The following GRIA2 variants were observed in gnomAD, a reference collection of about 807,000 sequenced individuals.
GRIA2 encodes glutamate receptor 2.
GRIA2 carries 14 observed loss-of-function variants against 97.3 expected under a neutral mutation model. The observed-to-expected ratio is 0.14, with a 90% CI of 0.10 to 0.23. The LOEUF (loss-of-function observed/expected upper bound fraction) is 0.23, where lower values mean the gene tolerates loss of function less well. Ranked by LOEUF, GRIA2 falls within the 10% of genes least tolerant of loss-of-function variation. The pLI, the probability that GRIA2 is intolerant of heterozygous loss-of-function variation, is 1.00. For missense variants in GRIA2, 558 were observed against 1,069.8 expected, an observed-to-expected ratio of 0.52 and a Z score of 6.67; for synonymous variants, 412 against 387.8, an observed-to-expected ratio of 1.06 and a Z score of -0.73.
At chr4:157,332,049 A>G (rs916454530) in intron 6 of GRIA2, among the ~76,000 whole-genome samples, 3 of 152,074 alleles carry the variant, frequency 2.0e-5, no homozygotes, top group Non-Finnish European at 4.4e-5. Flanking sequence ...GTAGTTAATC[A>G]TTAACTGACA....
chr4:157,241,017 T>C (rs1730485626), intron 2 of GRIA2, among the ~76,000 whole-genome samples: 2 of 152,150 alleles, frequency 1.3e-5, no homozygotes, highest in Admixed American at 1.3e-4. Flanking sequence ...ATTTCATCCA[T>C]GTCCCTACAA....
At chr4:157,285,116 A>G (rs1310654258) in intron 2 of GRIA2, among the ~76,000 whole-genome samples, 1 of 151,642 alleles carries the variant, frequency 6.6e-6, no homozygotes, top group African/African-American at 2.4e-5. Context: ...ATTTGTGGAT[A>G]TGGCAGGGTA....
intron 6 of GRIA2, among the ~76,000 whole-genome samples, chr4:157,329,466 T>C (rs1734953256): frequency 6.6e-6 from 1 of 151,968 alleles, no homozygotes; most frequent in Admixed American, 6.6e-5. Context: ...TAATTGATGT[T>C]AAAGAAATTT....
chr4:157,358,045 T>C (rs1736469521), intron 12 of GRIA2, among the ~76,000 whole-genome samples: 1 of 152,184 alleles, frequency 6.6e-6, no homozygotes, highest in South Asian at 2.1e-4. Flanking sequence ...TGAACTCTTC[T>C]TTATCAGCCT....
At chr4:157,283,999 T>C (rs1732725791) in intron 2 of GRIA2, among the ~76,000 whole-genome samples, 1 of 151,902 alleles carries the variant, frequency 6.6e-6, no homozygotes, top group South Asian at 2.1e-4. Flanking sequence ...TATTGCAGCA[T>C]TAATATAGTA....
chr4:157,283,320 G>A (rs1172706101), intron 2 of GRIA2, among the ~76,000 whole-genome samples: 2 of 151,900 alleles, frequency 1.3e-5, no homozygotes, highest in Non-Finnish European at 2.9e-5. Flanking sequence ...AGAGGAGGTG[G>A]TATTCTATCT....
At chr4:157,284,370 G>C (rs538539501) in intron 2 of GRIA2, among the ~76,000 whole-genome samples, 21 of 151,822 alleles carry the variant, frequency 1.4e-4, no homozygotes, top group African/African-American at 5.1e-4. Context: ...TGTATTTTCT[G>C]TTCTTCATCT....
At chr4:157,322,274 TG>T (rs1734611643) in intron 6 of GRIA2, among the ~76,000 whole-genome samples, 2 of 150,866 alleles carry the variant, frequency 1.3e-5, no homozygotes, top group Non-Finnish European at 3.0e-5. Context: ...TGTGTGTGTG[TG>T]TGTGTGTATA....
rs777140074 is a variant in GRIA2 at position 157,360,866 on chromosome 4, A to C, written c.2292-144A>C. ...TTCAGATTTTTAGTAGCTCATAGTA[A>C]CATATTATTGTGGCCTTTTTCCCAC... On this transcript the variant is annotated intron_variant, in intron 13 of 15. Transcript: ENST00000264426. 31 of 689,156 alleles carry C rather than the reference A, an allele frequency of 4.5e-5. No individual in the cohort carries two copies. The East Asian group carries it at 7.9e-4, about 18-fold the overall frequency. The allele number at this position is 689,156 out of a possible 1,614,324, so 42.7% of individuals were successfully genotyped here.
At chr4:157,303,425 A>T in intron 2 of GRIA2, 127 bp from the exon 3 acceptor site, 1 of 733,198 alleles carries the variant, frequency 1.4e-6, no homozygotes, top group Non-Finnish European at 2.2e-6. Context: ...ATGGATCATT[A>T]AATCTATATT....
rs149794246 is a variant in GRIA2, at chr4:157,243,935, A to G, written c.229+22128A>G. Among the ~76,000 whole-genome samples, 27 of 152,194 alleles carry G rather than the reference A, an allele frequency of 1.8e-4. No individual in the cohort carries two copies. The East Asian group carries it at 5.0e-3, about 28-fold the overall frequency. ...GAATGATAATAAACAAATAGAAAAA[A>G]AAGCAGAAAAAAAAAGATTATAGCT... On this transcript the variant is annotated intron_variant, in intron 2 of 15. Coordinates refer to ENST00000264426, the MANE Select transcript of GRIA2 (RefSeq NM_001083619.3).
chr4:157,340,443 A>G (rs1735496585), intron 11 of GRIA2, among the ~76,000 whole-genome samples: 1 of 151,932 alleles, frequency 6.6e-6, no homozygotes, highest in Non-Finnish European at 1.5e-5. Flanking sequence ...ATTATTGGGT[A>G]TCTATTAAGC....
At chr4:157,228,152 T>C in intron 2 of GRIA2, among the ~76,000 whole-genome samples, 1 of 152,214 alleles carries the variant, frequency 6.6e-6, no homozygotes, top group African/African-American at 2.4e-5. Flanking sequence ...TCACGAAGTC[T>C]AGCTCAGTTC....
At chr4:157,362,041 G>A (rs1455645583) in intron 14 of GRIA2, among the ~76,000 whole-genome samples, 1 of 152,060 alleles carries the variant, frequency 6.6e-6, no homozygotes, top group Non-Finnish European at 1.5e-5. Flanking sequence ...AGCATCTATA[G>A]TATCACTGAT....
At chr4:157,247,387 A>C (rs574892872) in intron 2 of GRIA2, among the ~76,000 whole-genome samples, 1 of 152,244 alleles carries the variant, frequency 6.6e-6, no homozygotes, top group South Asian at 2.1e-4. Flanking sequence ...ATTTTGTGTA[A>C]ATGTGGGGGT....
At chr4:157,362,301 CT>C (rs2127003314) in intron 14 of GRIA2, 1 of 440,722 alleles carries the variant, frequency 2.3e-6, no homozygotes, top group African/African-American at 2.0e-5. Flanking sequence ...CATCTTAGTA[CT>C]TTGAGGGATT....
chr4:157,333,421 C>G lies in GRIA2; in HGVS notation c.1155+68C>G, dbSNP rs1735146789. ...GAGTTAGCTAGCCTATGAGTTCACC[C>G]TTCCAGAGAATTCTGGAGATGTGTA... is the stretch of plus-strand genomic sequence containing the variant. On this transcript the variant is annotated intron_variant, in intron 8 of 15. Coordinates refer to ENST00000264426, the MANE Select transcript of GRIA2 (RefSeq NM_001083619.3). 5 of 696,926 alleles carry G rather than the reference C, an allele frequency of 7.2e-6. No homozygotes were observed. In the Admixed American group the frequency reaches 1.4e-4, roughly 20 times the overall value. 43.2% of individuals were successfully genotyped at this position (696,926 alleles called of 1,614,324 possible).
chr4:157,256,323 G>A lies in GRIA2; in HGVS notation c.229+34516G>A, dbSNP rs1399605852. ...ATAATATTATATATTACATATATATGTTTGTTATACAGTTATGAGAGGTTT... is the reference window on the plus strand; with the variant it reads ...ATAATATTATATATTACATATATATATTTGTTATACAGTTATGAGAGGTTT... On this transcript the variant is annotated intron_variant, in intron 2 of 15. Coordinates refer to ENST00000264426, the MANE Select transcript of GRIA2 (RefSeq NM_001083619.3). 4.3e-5 allele frequency among the ~76,000 whole-genome samples: 6 copies of A among 140,952 alleles called. No individual in the cohort carries two copies. In the East Asian group the frequency reaches 1.2e-3, roughly 28 times the overall value. 92.5% of individuals were successfully genotyped at this position (140,952 alleles called of 152,430 possible).
chr4:157,362,752 TC>T (rs1158467266), intron 14 of GRIA2, 46 bp from the exon 15 acceptor site: 2 of 1,538,060 alleles, frequency 1.3e-6, no homozygotes, highest in South Asian at 2.4e-5. Context: ...TCTCTTCTAT[TC>T]ACCAGTTTGC....
Sources: allele counts gnomAD v4.1 joint callset (sites outside exome capture counted in the v4.1 genomes callset), GRCh38; gene constraint gnomAD v4.1.1; transcripts MANE v1.5; gene names NCBI Gene and HGNC (gene_info 2026-07-23, HGNC 2026-07-21).